The following PDE1C variants were observed in gnomAD, a reference collection of about 807,000 sequenced individuals.
PDE1C encodes the protein dual specificity calcium/calmodulin-dependent 3',5'-cyclic nucleotide phosphodiesterase 1C.
A neutral mutation model predicts 93.1 loss-of-function variants in PDE1C; 62 were observed. The observed-to-expected ratio is 0.67, with a 90% CI of 0.54 to 0.82. PDE1C has a LOEUF of 0.82. Ranked by LOEUF, PDE1C falls within the 40% of genes least tolerant of loss-of-function variation. The probability of loss-of-function intolerance (pLI) is 0.00; values close to 1 mark genes in which losing one functional copy is unlikely to be tolerated. For synonymous variants in PDE1C, 325 were observed against 310.1 expected, an observed-to-expected ratio of 1.05 and a Z score of -0.50; for missense variants, 742 against 884.6, an observed-to-expected ratio of 0.84 and a Z score of 2.04.
intron 1 of PDE1C, among the ~76,000 whole-genome samples, chr7:32,294,751 G>A (rs1405914998): frequency 2.6e-4 from 39 of 152,140 alleles, no homozygotes; most frequent in Admixed American, 2.6e-3. Flanking sequence ...CTGCACCTAC[G>A]CATCCCAATC....
intron 2 of PDE1C, among the ~76,000 whole-genome samples, chr7:31,963,617 G>C (rs992673265): frequency 1.3e-5 from 2 of 152,160 alleles, no homozygotes; most frequent in African/African-American, 4.8e-5. Context: ...AGAGTAATCT[G>C]TTACATTTTA....
intron 1 of PDE1C, among the ~76,000 whole-genome samples, chr7:32,289,324 C>T (rs930841570): frequency 1.3e-5 from 2 of 152,160 alleles, no homozygotes; most frequent in South Asian, 2.1e-4. Context: ...GCAGGGGGAT[C>T]GCTTGAGCCC....
At chr7:32,212,330 GGGAATT>G (rs1173981370) in intron 1 of PDE1C, among the ~76,000 whole-genome samples, 1 of 152,142 alleles carries the variant, frequency 6.6e-6, no homozygotes, top group African/African-American at 2.4e-5. Flanking sequence ...ATCCAAGGAT[GGGAATT>G]GCTGACCCAG....
intron 2 of PDE1C, among the ~76,000 whole-genome samples, chr7:31,944,775 G>C (rs936120172): frequency 1.3e-5 from 2 of 152,054 alleles, no homozygotes; most frequent in African/African-American, 2.4e-5. Flanking sequence ...AGTTTAACCA[G>C]TGAAGTCTAA....
chr7:32,087,386 C>A (rs1373928575), intron 3 of PDE1C, among the ~76,000 whole-genome samples: 1 of 152,104 alleles, frequency 6.6e-6, no homozygotes, highest in African/African-American at 2.4e-5. Flanking sequence ...AATAGGAACA[C>A]TTTTACACTG....
At chr7:31,625,626 G>C in the PDE1C span, among the ~76,000 whole-genome samples, 2 of 152,026 alleles carry the variant, frequency 1.3e-5, no homozygotes, top group Non-Finnish European at 2.9e-5. Flanking sequence ...CTGTTGTGGG[G>C]TGGGAGGAGG....
rs1181084273 is a variant in PDE1C, at chr7:32,033,239, A to G, written c.128+18315T>C. 2.0e-5 allele frequency among the ~76,000 whole-genome samples: 3 copies of G among 152,086 alleles called. No individual in the cohort carries two copies. The East Asian group carries it at 5.8e-4, about 29-fold the overall frequency. On this transcript the variant is annotated intron_variant, in intron 2 of 17. Coordinates refer to ENST00000396191, the MANE Select transcript of PDE1C (RefSeq NM_001191057.4). ...TGCATTTGCTATCTCTTTGTGACTC[A>G]TCCACAGATGAATGGGCTCAAAGAA...
At chr7:32,063,450 C>G (rs527888380) in intron 1 of PDE1C, among the ~76,000 whole-genome samples, 1 of 152,268 alleles carries the variant, frequency 6.6e-6, no homozygotes, top group African/African-American at 2.4e-5. Context: ...ATGCAGAAAC[C>G]TCTCTGCTGA....
exon 3 of PDE1C, chr7:32,169,900 C>A: frequency 5.6e-6 from 9 of 1,612,712 alleles, no homozygotes; most frequent in Non-Finnish European, 7.6e-6. Context: ...TTCTCCTTGA[C>A]ATTCCCTGTG....
chr7:32,279,649 A>G (rs905374972), intron 1 of PDE1C, among the ~76,000 whole-genome samples: 1 of 152,150 alleles, frequency 6.6e-6, no homozygotes, highest in Non-Finnish European at 1.5e-5. Context: ...TCTATATACC[A>G]AAAAAGAAAA....
chr7:31,811,525 T>C (rs1787547258), intron 15 of PDE1C, among the ~76,000 whole-genome samples: 1 of 152,074 alleles, frequency 6.6e-6, no homozygotes, highest in South Asian at 2.1e-4. Context: ...GTCCAAATAC[T>C]GGCTTTTCCC....
At chr7:31,714,747 G>A in the PDE1C span, among the ~76,000 whole-genome samples, 1 of 152,174 alleles carries the variant, frequency 6.6e-6, no homozygotes, top group Non-Finnish European at 1.5e-5. Flanking sequence ...TTATATAACT[G>A]TCAGATCTCA....
rs1584734664 is a variant in PDE1C, at chr7:32,086,383, T to C, written c.308+83402A>G. ...TACAAACAAATGGAAGAACATTCCA[T>C]GTTCATGGGTAGGAAGAATAAATAT... On this transcript the variant is annotated intron_variant, in intron 3 of 18. Transcript: ENST00000396193. Among the ~76,000 whole-genome samples, 3 of 152,362 alleles carry C rather than the reference T, an allele frequency of 2.0e-5. No homozygotes were observed. In the Middle Eastern group the frequency reaches 0.01, roughly 518 times the overall value.
intron 10 of PDE1C, among the ~76,000 whole-genome samples, 180 bp downstream of exon 10, chr7:31,837,690 G>A (rs1261177081): frequency 6.6e-6 from 1 of 152,208 alleles, no homozygotes; most frequent in Admixed American, 6.5e-5. Flanking sequence ...CAACCCTGAT[G>A]AGAACATACC....
At chr7:32,319,705 T>C (rs941254639) in intron 1 of PDE1C, among the ~76,000 whole-genome samples, 6 of 152,360 alleles carry the variant, frequency 3.9e-5, no homozygotes, top group African/African-American at 1.4e-4. Context: ...AGCAGCAGGC[T>C]TGGAACCCTG....
chr7:31,779,289 G>C (rs1445454890), intron 16 of PDE1C, among the ~76,000 whole-genome samples: 1 of 152,200 alleles, frequency 6.6e-6, no homozygotes, highest in Non-Finnish European at 1.5e-5. Context: ...GCCTACATGA[G>C]TACCTGAAAA....
the PDE1C span, among the ~76,000 whole-genome samples, chr7:31,717,344 G>T: frequency 6.6e-6 from 1 of 152,070 alleles, no homozygotes; most frequent in Non-Finnish European, 1.5e-5. Flanking sequence ...GATTATTAAG[G>T]TCACTTTGCA....
intron 7 of PDE1C, chr7:31,850,951 T>C (rs561020914): frequency 7.7e-6 from 4 of 519,502 alleles, no homozygotes; most frequent in African/African-American, 7.7e-5. Flanking sequence ...CAAGGTTGAA[T>C]AAGCTAAGTA....
chr7:31,938,361 A>T (rs1158863467), intron 2 of PDE1C, among the ~76,000 whole-genome samples: 1 of 140,298 alleles, frequency 7.1e-6, no homozygotes, highest in Non-Finnish European at 1.5e-5. Context: ...CAAATAATTT[A>T]TCTGCAGCTT....
Sources: gnomAD v4.1 joint callset for allele counts (sites outside exome capture counted in the v4.1 genomes callset) on GRCh38, gnomAD v4.1.1 for gene constraint, MANE v1.5 for transcripts, NCBI Gene and HGNC (gene_info 2026-07-23, HGNC 2026-07-21) for gene names.